RHCG: variants seen among roughly 807,000 people sequenced by gnomAD.
The protein encoded by RHCG is ammonium transporter Rh type C.
RHCG carries 39 observed loss-of-function variants against 55.3 expected under a neutral mutation model. That is an observed-to-expected ratio of 0.70 (90% confidence interval 0.55 to 0.92). The LOEUF (loss-of-function observed/expected upper bound fraction) is 0.92. RHCG is among the 40% of genes least tolerant of loss of function. The pLI is 0.00. For synonymous variants in RHCG, 250 were observed against 246.8 expected (o/e 1.01, Z -0.12); for missense variants, 635 against 627.9 (o/e 1.01, Z -0.12).
intron 1 of RHCG, among the ~76,000 whole-genome samples, chr15:89,491,808 C>T (rs1037471500): frequency 2.0e-5 from 3 of 151,850 alleles, no homozygotes; most frequent in Non-Finnish European, 2.9e-5. Flanking sequence ...TTAATAGTGA[C>T]GATTTGAGGG....
At position 89,477,595 on chromosome 15, in the gene RHCG, C is replaced by T. The variant is rs751250420; in HGVS notation, c.1034G>A (p.Gly345Asp). 5 of 1,614,154 alleles carry T rather than the reference C, an allele frequency of 3.1e-6. No homozygotes were observed. In the Admixed American group the frequency reaches 6.7e-5, roughly 22 times the overall value. ...QDTCGINNLH[G>D]IPGIIGGIVG... ...GATGCCGCCTATGATGCCAGGAATG[C>T]CATGCAGATTGTTAATGCCACATGT... The change falls in exon 7 of 11, where the codon GGC (glycine) becomes GAC (aspartate). Residue 345 changes from glycine (G) to aspartate (D), a missense_variant. Coordinates refer to ENST00000268122, the MANE Select transcript of RHCG (RefSeq NM_016321.3). This position sits in a 1 kb window ranked among gnomAD's most constrained non-coding sequence, Gnocchi z 4.5.
chr15:89,487,653 T>G (rs1961399929), intron 1 of RHCG, among the ~76,000 whole-genome samples: 1 of 152,188 alleles, frequency 6.6e-6, no homozygotes, highest in Non-Finnish European at 1.5e-5. Flanking sequence ...TTACTCCATC[T>G]TCTGGGTGGA....
rs148042791 is a variant in RHCG, at chr15:89,477,271, C to T, written c.1113-65G>A. ...AGGCCAAGTAACAGCTTGCTGCCAC[C>T]CCAAAAATGTGACCGGGTACCACGG... On this transcript the variant is annotated intron_variant, in intron 7 of 10. Transcript: ENST00000268122. The surrounding 1 kb of genome is among the most constrained non-coding windows in gnomAD (Gnocchi z 4.5). The T allele has an allele frequency of 3.0e-3, 4,833 of 1,597,002 alleles. 119 individuals are homozygous for T. The African/African-American group carries it at 0.054, about 18-fold the overall frequency.
intron 1 of RHCG, among the ~76,000 whole-genome samples, chr15:89,493,125 C>T (rs886199588): frequency 3.9e-5 from 6 of 152,174 alleles, no homozygotes; most frequent in South Asian, 2.1e-4. Flanking sequence ...GAGCCTGCTT[C>T]GGCCTCATGA....
intron 1 of RHCG, among the ~76,000 whole-genome samples, chr15:89,491,279 T>C (rs552583118): frequency 6.6e-6 from 1 of 152,132 alleles, no homozygotes; most frequent in South Asian, 2.1e-4. Flanking sequence ...TGTCTCTCCT[T>C]TTCACCCTGT....
chr15:89,472,873 G>A lies in RHCG; in HGVS notation c.1312-10C>T, dbSNP rs567158705. 2.1e-6 allele frequency: 3 copies of A among 1,436,458 alleles called. No individual in the cohort carries two copies. The highest frequency in any genetic ancestry group is 5.2e-5 in the Admixed American group (2 of 38,220). 89.0% of individuals were successfully genotyped at this position (1,436,458 alleles called of 1,614,324 possible). A position where few individuals can be genotyped will look rare whatever the true frequency, so the allele number is the denominator to read the frequency against. On this transcript the variant is annotated splice_polypyrimidine_tract_variant and intron_variant, in intron 9 of 10. Transcript: ENST00000268122. ...TGTTCCCTTCAGGCATCTACAGAGAGAGGATGCAACTCTGAGGGCCCTGTC... is the reference window on the plus strand; with the variant it reads ...TGTTCCCTTCAGGCATCTACAGAGAAAGGATGCAACTCTGAGGGCCCTGTC...
At chr15:89,472,933 C>T (rs2141884791) in intron 9 of RHCG, 70 bp from the exon 10 acceptor site, 1 of 1,382,102 alleles carries the variant, frequency 7.2e-7, no homozygotes, top group Non-Finnish European at 9.5e-7. Context: ...GTGACTAGAA[C>T]CTGGAGCTGC....
intron 2 of RHCG, chr15:89,486,597 A>AGAGAGAGAGT (rs1555461989): frequency 3.1e-5 from 10 of 327,178 alleles, no homozygotes; most frequent in Admixed American, 1.2e-4. Flanking sequence ...AGAGAGAGAG[A>AGAGAGAGAGT]GAGTGTGTGT....
At chr15:89,476,659 G>C in intron 9 of RHCG, 96 bp downstream of exon 9, 1 of 997,734 alleles carries the variant, frequency 1.0e-6, no homozygotes, top group East Asian at 2.4e-5. Flanking sequence ...CCCACCCCCG[G>C]CATCTGGGTC....
At chr15:89,479,251 G>T in intron 5 of RHCG, 71 bp downstream of exon 5, 1 of 1,513,936 alleles carries the variant, frequency 6.6e-7, no homozygotes, top group Non-Finnish European at 8.9e-7. Context: ...AGAGGTGTTG[G>T]CAAGGCATGG....
At position 89,496,317 on chromosome 15, in the gene RHCG, G is replaced by A. The variant is rs750189240; in HGVS notation, c.184+44C>T. 1.6e-5 allele frequency: 25 copies of A among 1,604,826 alleles called. No individual in the cohort carries two copies. The East Asian group carries it at 4.5e-4, about 29-fold the overall frequency. On this transcript the variant is annotated intron_variant, in intron 1 of 10. Coordinates refer to ENST00000268122, the MANE Select transcript of RHCG (RefSeq NM_016321.3). ...CCGAGCCCTTGGCCAGGTGGGGACCGGCGCGGATATGCCTCCGCTGGGCCT... is the reference window on the plus strand; with the variant it reads ...CCGAGCCCTTGGCCAGGTGGGGACCAGCGCGGATATGCCTCCGCTGGGCCT...
Position 89,472,692 on chromosome 15 carries a change from A to C in RHCG, c.*24+19T>G, listed in dbSNP as rs1961060557. ...TGGGAGAACCTCCCTGTCATCCCCC[A>C]AGCCAAGCCCATGCTCACCTGCTCC... On this transcript the variant is annotated intron_variant, in intron 10 of 10. Transcript: ENST00000268122. 3.1e-6 allele frequency: 5 copies of C among 1,599,942 alleles called. No individual in the cohort carries two copies. Among genetic ancestry groups the C allele is most frequent in the Non-Finnish European group, 4.3e-6 (5 of 1,172,270 alleles).
intron 9 of RHCG, among the ~76,000 whole-genome samples, chr15:89,474,419 G>A (rs1207703565): frequency 6.6e-6 from 1 of 152,090 alleles, no homozygotes; most frequent in African/African-American, 2.4e-5. Flanking sequence ...AGGCATTATG[G>A]GTGGCCCCTT....
chr15:89,486,115 C>G (rs1467079315), intron 2 of RHCG, among the ~76,000 whole-genome samples: 1 of 152,132 alleles, frequency 6.6e-6, no homozygotes, highest in African/African-American at 2.4e-5. Flanking sequence ...AAGGATGGAG[C>G]TGAGAAGTGA....
chr15:89,481,880 C>G (rs1408195846), intron 3 of RHCG, among the ~76,000 whole-genome samples: 1 of 152,176 alleles, frequency 6.6e-6, no homozygotes, highest in African/African-American at 2.4e-5. Flanking sequence ...CGGCTCACCA[C>G]AACCTGTGCC....
At chr15:89,486,597 A>AGT (rs1441361243) in intron 2 of RHCG, 4,614 of 326,350 alleles carry the variant, frequency 0.014, 55 homozygotes, top group Non-Finnish European at 0.019. Context: ...AGAGAGAGAG[A>AGT]GAGTGTGTGT....
rs1364393989 is a variant in RHCG, at chr15:89,474,907, T to C, written c.1311+1848A>G. Among the ~76,000 whole-genome samples, 79 of 130,046 alleles carry C rather than the reference T, an allele frequency of 6.1e-4. 1 individual carries two copies. Among genetic ancestry groups the C allele is most frequent in the African/African-American group, 3.0e-3 (72 of 23,764 alleles). The allele number at this position is 130,046 out of a possible 152,430, so 85.3% of individuals were successfully genotyped here. ...CTGCCTGCCTTCCTTCCTTCCTGCC[T>C]GCCTTCCTTCCTGCCTGCCTGCCTT... On this transcript the variant is annotated intron_variant, in intron 9 of 10. Coordinates refer to ENST00000268122, the MANE Select transcript of RHCG (RefSeq NM_016321.3).
At chr15:89,489,559 C>G (rs74032414) in intron 1 of RHCG, among the ~76,000 whole-genome samples, 29,617 of 152,108 alleles carry the variant, frequency 0.19, 2,963 homozygotes, top group African/African-American at 0.23. Flanking sequence ...CACCTGTCTC[C>G]CGGGGGATTC....
intron 1 of RHCG, among the ~76,000 whole-genome samples, chr15:89,489,704 G>A (rs985232730): frequency 1.3e-5 from 2 of 152,124 alleles, no homozygotes; most frequent in Non-Finnish European, 2.9e-5. Flanking sequence ...TGGTGTCCCT[G>A]CCACTTGGGA....
Sources: gnomAD v4.1 joint callset for allele counts (sites outside exome capture counted in the v4.1 genomes callset) on GRCh38, gnomAD v4.1.1 for gene constraint, Gnocchi (gnomAD v3.1) non-coding constraint, MANE v1.5 for transcripts, NCBI Gene and HGNC (gene_info 2026-07-23, HGNC 2026-07-21) for gene names.